The following HYAL4 variants were observed in gnomAD, a reference collection of about 807,000 sequenced individuals.
HYAL4 encodes hyaluronidase 4, also known as hyaluronidase-4.
Under a neutral mutation model 35.2 loss-of-function variants are expected in HYAL4, and 37 were observed. That is an observed-to-expected ratio of 1.05 (90% CI 0.81 to 1.38). The LOEUF (loss-of-function observed/expected upper bound fraction) is 1.38. Among genes scored for constraint, HYAL4 ranks in the 40% most tolerant of loss-of-function variants. HYAL4 has a pLI of 0.00. For missense variants in HYAL4, 572 were observed against 572.4 expected, an observed-to-expected ratio of 1.00 and a Z score of 0.01; for synonymous variants, 198 against 203.2, an observed-to-expected ratio of 0.97 and a Z score of 0.22.
At chr7:123,812,007 A>G in the HYAL4 span, among the ~76,000 whole-genome samples, 1 of 151,954 alleles carries the variant, frequency 6.6e-6, no homozygotes, top group Non-Finnish European at 1.5e-5. Context: ...ACACGTGGCT[A>G]ATTTTTGTAT....
chr7:123,816,205 C>T, the HYAL4 span, among the ~76,000 whole-genome samples: 1 of 152,072 alleles, frequency 6.6e-6, no homozygotes, highest in South Asian at 2.1e-4. Context: ...TCTACTTTGC[C>T]TCTTAATAAC....
intron 2 of HYAL4, among the ~76,000 whole-genome samples, chr7:123,848,891 T>C (rs1367367578): frequency 2.0e-5 from 3 of 152,166 alleles, no homozygotes; most frequent in African/African-American, 4.8e-5. Context: ...ACATTTTCTT[T>C]CCAAATATTG....
At chr7:123,865,016 A>C (rs575226673) in intron 2 of HYAL4, among the ~76,000 whole-genome samples, 1 of 152,174 alleles carries the variant, frequency 6.6e-6, no homozygotes, top group Admixed American at 6.5e-5. Flanking sequence ...CAGAACAAAC[A>C]GTTCACCAGT....
chr7:123,873,764 C>T (rs184399252), intron 3 of HYAL4, among the ~76,000 whole-genome samples: 1 of 152,302 alleles, frequency 6.6e-6, no homozygotes, highest in Non-Finnish European at 1.5e-5. Flanking sequence ...AACAATAACC[C>T]TTTAAGATTA....
chr7:123,766,136 A>C, the HYAL4 span, among the ~76,000 whole-genome samples: 1 of 152,094 alleles, frequency 6.6e-6, no homozygotes, highest in African/African-American at 2.4e-5. Context: ...GGCCTACTAC[A>C]CTTGGATTTC....
At chr7:123,832,565 T>G (rs1399876981) in intron 1 of HYAL4, among the ~76,000 whole-genome samples, 1 of 131,060 alleles carries the variant, frequency 7.6e-6, no homozygotes, top group African/African-American at 2.8e-5. Context: ...AGCGGTGCCA[T>G]CTCGGTTCAC....
chr7:123,875,393 C>T (rs918242943), intron 4 of HYAL4, among the ~76,000 whole-genome samples: 15 of 151,888 alleles, frequency 9.9e-5, no homozygotes, highest in African/African-American at 3.4e-4. Context: ...TGGCGGGGCA[C>T]GGTGGCTCAT....
upstream of HYAL4, among the ~76,000 whole-genome samples, chr7:123,826,003 G>A (rs1416515555): frequency 6.6e-6 from 1 of 151,494 alleles, no homozygotes; most frequent in African/African-American, 2.4e-5. Context: ...GTATTAGCAT[G>A]CTTTAAAATG....
intron 2 of HYAL4, among the ~76,000 whole-genome samples, chr7:123,856,832 A>T (rs1806447853): frequency 6.6e-6 from 1 of 152,018 alleles, no homozygotes; most frequent in Non-Finnish European, 1.5e-5. Context: ...TGGGAGTTTT[A>T]TCTATAAGCC....
the HYAL4 span, among the ~76,000 whole-genome samples, chr7:123,784,213 G>A: frequency 6.6e-6 from 1 of 152,132 alleles, no homozygotes; most frequent in Non-Finnish European, 1.5e-5. Context: ...TTAAAATAAG[G>A]TGTTAGATAA....
chr7:123,843,364 A>T (rs921630686), upstream of HYAL4, among the ~76,000 whole-genome samples: 3 of 152,072 alleles, frequency 2.0e-5, no homozygotes, highest in Non-Finnish European at 2.9e-5. Flanking sequence ...CTGCTGAAAG[A>T]TCTGCTGTTA....
the HYAL4 span, among the ~76,000 whole-genome samples, chr7:123,822,729 G>A: frequency 6.6e-6 from 1 of 152,130 alleles, no homozygotes; most frequent in African/African-American, 2.4e-5. Context: ...GAAGCTGAGG[G>A]ATGAAGGTTG....
At chr7:123,810,083 C>G in the HYAL4 span, among the ~76,000 whole-genome samples, 1 of 152,208 alleles carries the variant, frequency 6.6e-6, no homozygotes, top group Non-Finnish European at 1.5e-5. Context: ...GGAAGAAAAT[C>G]TGCCAGGAGA....
At chr7:123,869,727 A>G (rs187869399) in intron 3 of HYAL4, among the ~76,000 whole-genome samples, 108 of 150,922 alleles carry the variant, frequency 7.2e-4, no homozygotes, top group African/African-American at 2.4e-3. Context: ...TGTTCTTGTC[A>G]CCTAGGCTGG....
the HYAL4 span, among the ~76,000 whole-genome samples, chr7:123,778,155 GTCTGTCTATCTA>G: frequency 0.017 from 2,265 of 132,686 alleles, 19 homozygotes; most frequent in Non-Finnish European, 0.023. Flanking sequence ...CTATCTGTCT[GTCTGTCTATCTA>G]TCTATCTATC....
At position 123,869,106 on chromosome 7, in the gene HYAL4, C is replaced by G; in HGVS notation, c.833C>G (p.Ser278Cys). Residue 278 changes from serine to cysteine, a missense_variant, in exon 3 of 5, where the codon TCC becomes TGC. Coordinates refer to ENST00000223026, the MANE Select transcript of HYAL4 (RefSeq NM_012269.3). ...GACAGTGAAAACATTTTGCGCTTCT[C>G]CAAATTTCGGGTGCATGAATCCATG... ...LGDSENILRFSKFRVHESMRI... is the reference protein window; with the variant it reads ...LGDSENILRFCKFRVHESMRI... 6.2e-7 allele frequency: 1 copy of G among 1,614,178 alleles called. No individual in the cohort carries two copies. Among genetic ancestry groups the G allele is most frequent in the Non-Finnish European group, 8.5e-7 (1 of 1,180,030 alleles).
chr7:123,800,475 TTA>T, the HYAL4 span, among the ~76,000 whole-genome samples: 1 of 128,848 alleles, frequency 7.8e-6, no homozygotes, highest in Non-Finnish European at 1.6e-5. Flanking sequence ...GGCCTGAAAA[TTA>T]AAAAAAAAAA....
the HYAL4 span, among the ~76,000 whole-genome samples, chr7:123,800,176 T>C: frequency 6.6e-6 from 1 of 150,822 alleles, no homozygotes; most frequent in Admixed American, 6.6e-5. Context: ...TTTTTTTACT[T>C]TATTTATTTT....
At chr7:123,771,202 CAAAT>C in the HYAL4 span, among the ~76,000 whole-genome samples, 1 of 152,100 alleles carries the variant, frequency 6.6e-6, no homozygotes, top group Non-Finnish European at 1.5e-5. Flanking sequence ...CTTCAACTGA[CAAAT>C]AAATAAAGGC....
Sources: allele counts gnomAD v4.1 joint callset (sites outside exome capture counted in the v4.1 genomes callset), GRCh38; gene constraint gnomAD v4.1.1; transcripts MANE v1.5; gene names NCBI Gene and HGNC (gene_info 2026-07-23, HGNC 2026-07-21).